RILPL1: variants seen among roughly 807,000 people sequenced by gnomAD.
RILPL1 encodes the protein Rab interacting lysosomal protein like 1, also known as RILP-like protein 1.
Under a neutral mutation model 50.3 loss-of-function variants are expected in RILPL1, and 33 were observed. The observed-to-expected ratio is 0.66, with a 90% CI of 0.50 to 0.88. RILPL1 has a LOEUF of 0.88. RILPL1 is among the 40% of genes least tolerant of loss of function. The probability of loss-of-function intolerance (pLI) is 0.00; values close to 1 mark genes in which losing one functional copy is unlikely to be tolerated. For synonymous variants in RILPL1, 205 were observed against 228.6 expected, an observed-to-expected ratio of 0.90 and a Z score of 0.93; for missense variants, 418 against 542.5, an observed-to-expected ratio of 0.77 and a Z score of 2.28.
intron 2 of RILPL1, among the ~76,000 whole-genome samples, chr12:123,509,362 G>A (rs1675118390): frequency 1.3e-5 from 2 of 152,074 alleles, no homozygotes; most frequent in Admixed American, 6.6e-5. Flanking sequence ...TTGGGAGTTC[G>A]AGACCAGCCT....
chr12:123,486,563 T>C (rs1443152996), intron 4 of RILPL1, among the ~76,000 whole-genome samples: 1 of 152,234 alleles, frequency 6.6e-6, no homozygotes, highest in African/African-American at 2.4e-5. Context: ...TGACATTTAG[T>C]AAACTCACAT....
rs1277438484 is a variant in RILPL1 at position 123,533,028 on chromosome 12, G to A, written c.309+146C>T. On this transcript the variant is annotated intron_variant, in intron 1 of 6. Coordinates refer to ENST00000376874, the MANE Select transcript of RILPL1 (RefSeq NM_178314.5). This position sits in a 1 kb window ranked among gnomAD's most constrained non-coding sequence, Gnocchi z 6.2. Reference sequence around the variant, plus strand: ...CCCCTGGTCGGGCAAAAGAAGGCCAGGGCCTCCCTCCCTCCCCACGTCGGG... The same window carrying A: ...CCCCTGGTCGGGCAAAAGAAGGCCAAGGCCTCCCTCCCTCCCCACGTCGGG... The A allele has an allele frequency of 2.1e-5, 18 of 865,572 alleles. No homozygotes were observed. Among genetic ancestry groups the A allele is most frequent in the Non-Finnish European group, 3.1e-5 (18 of 582,998 alleles). 53.6% of individuals were successfully genotyped at this position (865,572 alleles called of 1,614,324 possible). A position where few individuals can be genotyped will look rare whatever the true frequency, so the allele number is the denominator to read the frequency against.
At chr12:123,523,263 G>A (rs1457899948) in intron 2 of RILPL1, among the ~76,000 whole-genome samples, 1 of 152,164 alleles carries the variant, frequency 6.6e-6, no homozygotes, top group Non-Finnish European at 1.5e-5. Flanking sequence ...CAAACAGAGG[G>A]GAACCTGTGA....
chr12:123,499,797 C>A (rs144348128), intron 2 of RILPL1, among the ~76,000 whole-genome samples: 2 of 152,158 alleles, frequency 1.3e-5, no homozygotes, highest in African/African-American at 2.4e-5. Flanking sequence ...GTGGCTGGCG[C>A]GCTTCATTTT....
At chr12:123,514,074 C>A (rs191852987) in intron 2 of RILPL1, 2 of 152,408 alleles carry the variant, frequency 1.3e-5, no homozygotes, top group African/African-American at 4.8e-5. Context: ...AATGTCCCCC[C>A]GCTAAGAATG....
chr12:123,514,481 C>G (rs572764483), intron 2 of RILPL1: 1 of 151,760 alleles, frequency 6.6e-6, no homozygotes, highest in African/African-American at 2.4e-5. Context: ...GGCTGGAGTA[C>G]AGTGGCGCAA....
At chr12:123,512,191 CTG>C (rs1224524985) in intron 2 of RILPL1, among the ~76,000 whole-genome samples, 3 of 72,142 alleles carry the variant, frequency 4.2e-5, no homozygotes, top group African/African-American at 5.5e-5. Context: ...TGTGTGAGGT[CTG>C]TGTGTGTGGT....
intron 6 of RILPL1, among the ~76,000 whole-genome samples, chr12:123,477,321 T>TTTTC (rs1478336922): frequency 6.4e-4 from 95 of 148,868 alleles, no homozygotes; most frequent in African/African-American, 2.0e-3. Context: ...AGTTGGTATC[T>TTTTC]TTTCTTTCTT....
chr12:123,530,808 C>T (rs1270033364), intron 1 of RILPL1, among the ~76,000 whole-genome samples: 1 of 152,206 alleles, frequency 6.6e-6, no homozygotes, highest in South Asian at 2.1e-4. Context: ...AAGAAGGGCA[C>T]TGTGCTCGCT....
At position 123,496,273 on chromosome 12, in the gene RILPL1, C is replaced by A. The variant is rs567923121; in HGVS notation, c.801+2271G>T. 2.9e-4 allele frequency among the ~76,000 whole-genome samples: 44 copies of A among 152,250 alleles called. 1 individual carries two copies. The highest frequency in any genetic ancestry group is 5.6e-4 in the Non-Finnish European group (38 of 68,018). On this transcript the variant is annotated intron_variant, in intron 4 of 6. Coordinates refer to ENST00000376874, the MANE Select transcript of RILPL1 (RefSeq NM_178314.5). ...AAGTGATCTGCCTGCCTCGGTCTCC[C>A]AAAGTGCTGGGATTACAGGTGTGAG... is the stretch of plus-strand genomic sequence containing the variant.
intron 2 of RILPL1, among the ~76,000 whole-genome samples, chr12:123,501,973 G>A (rs950179318): frequency 6.6e-6 from 1 of 151,772 alleles, no homozygotes; most frequent in African/African-American, 2.4e-5. Flanking sequence ...TACTCGGGAG[G>A]CTGAGGCAGG....
At chr12:123,518,552 A>G (rs1386021897) in intron 2 of RILPL1, among the ~76,000 whole-genome samples, 2 of 152,150 alleles carry the variant, frequency 1.3e-5, no homozygotes, top group East Asian at 3.9e-4. Context: ...TTTTATGTAA[A>G]ATGTACGTTA....
At chr12:123,530,369 T>C (rs1017168825) in intron 1 of RILPL1, among the ~76,000 whole-genome samples, 1 of 152,232 alleles carries the variant, frequency 6.6e-6, no homozygotes, top group African/African-American at 2.4e-5. Flanking sequence ...TTTTGCCATA[T>C]TGGCCAAGCT....
rs1881173845 is a variant in RILPL1 at position 123,471,155 on chromosome 12, C to T, written c.*1383G>A. On this transcript the variant is annotated 3_prime_UTR_variant, in exon 7 of 7. Coordinates refer to ENST00000376874, the MANE Select transcript of RILPL1 (RefSeq NM_178314.5). ...GCACGATCTAGGCTCACTGCAACCT[C>T]TGCCTCCTAGGTTCAAGGAATTCTC... 6.6e-6 allele frequency: 1 copy of T among 151,576 alleles called. No homozygotes were observed. Among genetic ancestry groups the T allele is most frequent in the Non-Finnish European group, 1.5e-5 (1 of 68,008 alleles). 9.4% of individuals were successfully genotyped at this position (151,576 alleles called of 1,614,324 possible).
At chr12:123,479,709 G>C (rs1446707894) in intron 6 of RILPL1, among the ~76,000 whole-genome samples, 1 of 152,182 alleles carries the variant, frequency 6.6e-6, no homozygotes, top group African/African-American at 2.4e-5. Flanking sequence ...CCACGGGACT[G>C]GTCACCCGCA....
At chr12:123,510,236 C>T (rs911315671) in intron 2 of RILPL1, among the ~76,000 whole-genome samples, 1 of 152,296 alleles carries the variant, frequency 6.6e-6, no homozygotes, top group Middle Eastern at 3.4e-3. Context: ...GTGGGGGGCC[C>T]GCCTGTGCCC....
chr12:123,516,241 T>A (rs1272931505), intron 2 of RILPL1, among the ~76,000 whole-genome samples: 1 of 152,154 alleles, frequency 6.6e-6, no homozygotes, highest in Non-Finnish European at 1.5e-5. Flanking sequence ...GAAGTTGGTC[T>A]CGGATCACCT....
chr12:123,527,106 G>C (rs1593609488), intron 1 of RILPL1, among the ~76,000 whole-genome samples: 1 of 152,172 alleles, frequency 6.6e-6, no homozygotes, highest in South Asian at 2.1e-4. Context: ...TGAGGTGGGA[G>C]CATTGATTTA....
intron 2 of RILPL1, among the ~76,000 whole-genome samples, chr12:123,516,108 G>A (rs2139373936): frequency 6.7e-6 from 1 of 148,692 alleles, no homozygotes; most frequent in South Asian, 2.2e-4. Flanking sequence ...CTGCTAGTTA[G>A]TGGTCATGTA....
Sources: allele counts gnomAD v4.1 joint callset (sites outside exome capture counted in the v4.1 genomes callset), GRCh38; gene constraint gnomAD v4.1.1; non-coding constraint Gnocchi (gnomAD v3.1); transcripts MANE v1.5; gene names NCBI Gene and HGNC (gene_info 2026-07-23, HGNC 2026-07-21).